The following CEP104 variants were observed in gnomAD, a reference collection of about 807,000 sequenced individuals.
The protein encoded by CEP104 is centrosomal protein 104, also known as centrosomal protein of 104 kDa.
CEP104 carries 84 observed loss-of-function variants against 113.3 expected under a neutral mutation model. That is an observed-to-expected ratio of 0.74 (90% CI 0.62 to 0.89). The LOEUF (loss-of-function observed/expected upper bound fraction) is 0.89, where lower values mean the gene tolerates loss of function less well. Ranked by LOEUF, CEP104 falls within the 40% of genes least tolerant of loss-of-function variation. CEP104 has a pLI of 0.00. For synonymous variants in CEP104, 378 were observed against 421.7 expected (o/e 0.90, Z 1.27); for missense variants, 1,053 against 1,156.6 (o/e 0.91, Z 1.30).
intron 7 of CEP104, 51 bp from the exon 8 acceptor site, chr1:3,839,170 CA>C: frequency 6.6e-7 from 1 of 1,512,128 alleles, no homozygotes; most frequent in South Asian, 1.1e-5. Context: ...CAACTCACAT[CA>C]AATGCAAAGC....
At chr1:3,839,268 G>C in intron 7 of CEP104, 149 bp from the exon 8 acceptor site, 1 of 724,114 alleles carries the variant, frequency 1.4e-6, no homozygotes, top group Non-Finnish European at 2.4e-6. Flanking sequence ...ACTCAGCAAA[G>C]GTCTGGCTGC....
rs930464391 is a variant in CEP104 at position 3,847,629 on chromosome 1, C to T, written c.288-16G>A. 3 of 1,613,842 alleles carry T rather than the reference C, an allele frequency of 1.9e-6. No individual in the cohort carries two copies. Among genetic ancestry groups the T allele is most frequent in the African/African-American group, 2.7e-5 (2 of 74,918 alleles). On this transcript the variant is annotated splice_polypyrimidine_tract_variant and intron_variant, in intron 3 of 21. Coordinates refer to ENST00000378230, the MANE Select transcript of CEP104 (RefSeq NM_014704.4). ...AGACACGTAGCTGAAAAACAAAACACAACTGAAGAATTTGAAAATGTGCTG... is the reference window on the plus strand; with the variant it reads ...AGACACGTAGCTGAAAAACAAAACATAACTGAAGAATTTGAAAATGTGCTG...
chr1:3,847,833 T>G (rs1467815350), intron 3 of CEP104: 1 of 455,306 alleles, frequency 2.2e-6, no homozygotes, highest in African/African-American at 2.1e-5. Flanking sequence ...TATTCTTCTT[T>G]TGTTGTTGTT....
intron 20 of CEP104, among the ~76,000 whole-genome samples, chr1:3,820,502 T>C (rs539842770): frequency 6.6e-6 from 1 of 152,058 alleles, no homozygotes. Context: ...GGCGCCTCTG[T>C]CTGGGGTGGA....
chr1:3,825,561 A>G (rs1225524501), intron 18 of CEP104, among the ~76,000 whole-genome samples, 197 bp downstream of exon 18: 3 of 152,174 alleles, frequency 2.0e-5, no homozygotes, highest in South Asian at 2.1e-4. Context: ...GCGGCACAGC[A>G]TGTTTCCGGT....
chr1:3,829,642 C>A (rs1000297312), intron 14 of CEP104, 149 bp downstream of exon 14: 3 of 838,632 alleles, frequency 3.6e-6, no homozygotes, highest in South Asian at 3.2e-5. Flanking sequence ...GATCTGAATG[C>A]GGGAACCTGT....
Position 3,855,971 on chromosome 1 carries a change from G to C in CEP104, c.-15+918C>G, listed in dbSNP as rs1644717771. ...CCCCAGGCAGCGATGACTCCATGGC[G>C]GTCTCATCCCTCACTACACTTTTCC... is the stretch of plus-strand genomic sequence containing the variant. On this transcript the variant is annotated intron_variant, in intron 1 of 21. Transcript: ENST00000378230. The C allele has an allele frequency of 1.0e-5, 10 of 984,670 alleles. No individual in the cohort carries two copies. In the South Asian group the frequency reaches 2.4e-4, roughly 23 times the overall value. 61.0% of individuals were successfully genotyped at this position (984,670 alleles called of 1,614,324 possible). A position where few individuals can be genotyped will look rare whatever the true frequency, so the allele number is the denominator to read the frequency against.
At position 3,826,599 on chromosome 1, in the gene CEP104, T is replaced by C. The variant is rs1005755508; in HGVS notation, c.2188+109A>G. On this transcript the variant is annotated intron_variant, in intron 16 of 21. Transcript: ENST00000378230. ...AGGTGCAGCAGGCGTGCAGTGATACTTGCTGAATGGACAGAAGCCGTTCCC... is the reference window on the plus strand; with the variant it reads ...AGGTGCAGCAGGCGTGCAGTGATACCTGCTGAATGGACAGAAGCCGTTCCC... 10 of 1,375,280 alleles carry C rather than the reference T, an allele frequency of 7.3e-6. No individual in the cohort carries two copies. The African/African-American group carries it at 1.4e-4, about 20-fold the overall frequency. 85.2% of individuals were successfully genotyped at this position (1,375,280 alleles called of 1,614,324 possible). A position where few individuals can be genotyped will look rare whatever the true frequency, so the allele number is the denominator to read the frequency against.
chr1:3,821,594 C>T (rs974796349), intron 20 of CEP104, among the ~76,000 whole-genome samples: 1 of 152,166 alleles, frequency 6.6e-6, no homozygotes, highest in African/African-American at 2.4e-5. Flanking sequence ...GGCCTTGAGC[C>T]TCAGCAGCTG....
intron 6 of CEP104, 25 bp from the exon 7 acceptor site, chr1:3,839,801 A>G (rs1387108953): frequency 1.9e-6 from 3 of 1,598,030 alleles, no homozygotes; most frequent in Non-Finnish European, 2.6e-6. Context: ...TGCATATTTT[A>G]GAGATAATTT....
Position 3,837,449 on chromosome 1 carries a change from A to G in CEP104, c.962T>C (p.Met321Thr), listed in dbSNP as rs1644336675. 1 of 1,614,098 alleles carries G rather than the reference A, an allele frequency of 6.2e-7. No individual in the cohort carries two copies. Among genetic ancestry groups the G allele is most frequent in the South Asian group, 1.1e-5 (1 of 91,092 alleles). Residue 321 changes from methionine to threonine, a missense_variant, in exon 9 of 22, where the codon ATG becomes ACG. By Grantham distance (81) the Met-to-Thr change is moderately conservative. Transcript: ENST00000378230. ...RSGSPCHQKP[M>T]PSLPQLEERG... ...TTCTTCCAGTTGTGGTAGTGAGGGCATTGGCTTTTGGTGGCAAGGACTGCC... is the reference window on the plus strand; with the variant it reads ...TTCTTCCAGTTGTGGTAGTGAGGGCGTTGGCTTTTGGTGGCAAGGACTGCC...
At chr1:3,830,092 A>C (rs1644173486) in intron 13 of CEP104, 95 bp from the exon 14 acceptor site, 1 of 898,986 alleles carries the variant, frequency 1.1e-6, no homozygotes, top group Non-Finnish European at 1.8e-6. Flanking sequence ...GTGAAAAATA[A>C]AAGAGAAAAC....
chr1:3,838,522 A>G (rs1644356547), intron 8 of CEP104, among the ~76,000 whole-genome samples: 1 of 152,170 alleles, frequency 6.6e-6, no homozygotes, highest in South Asian at 2.1e-4. Flanking sequence ...ACGTGGGCTG[A>G]GTGCCCCATT....
At chr1:3,855,861 T>A in intron 1 of CEP104, 1 of 977,076 alleles carries the variant, frequency 1.0e-6, no homozygotes, top group East Asian at 1.1e-4. Flanking sequence ...AGTTATTGGC[T>A]GGTCTTCCTC....
Position 3,816,352 on chromosome 1 carries a change from T to A in CEP104, c.2590A>T (p.Met864Leu). ...TTCATCGTGCAGCCGGCTGGGCCCA[T>A]CAGGTGAGCTTTCCATGCCTGCAGC... ...PGEEAWKAHL[M>L]GPAGCTMNLR... Residue 864 changes from methionine (M) to leucine (L), a missense_variant, in exon 21 of 22, where the codon ATG becomes TTG. Coordinates refer to ENST00000378230, the MANE Select transcript of CEP104 (RefSeq NM_014704.4). 1 of 1,552,410 alleles carries A rather than the reference T, an allele frequency of 6.4e-7. No individual in the cohort carries two copies. The highest frequency in any genetic ancestry group is 2.4e-5 in the East Asian group (1 of 41,084).
chr1:3,849,028 C>T (rs911798936), intron 2 of CEP104, among the ~76,000 whole-genome samples: 1 of 152,140 alleles, frequency 6.6e-6, no homozygotes, highest in African/African-American at 2.4e-5. Flanking sequence ...GAATCATACT[C>T]TTGGCAGCTA....
intron 2 of CEP104, among the ~76,000 whole-genome samples, chr1:3,851,273 G>C (rs1313585216): frequency 4.0e-5 from 6 of 151,840 alleles, no homozygotes; most frequent in Admixed American, 3.3e-4. Flanking sequence ...GCAGGGACAG[G>C]GGGTCTTATT....
Position 3,829,771 on chromosome 1 carries a change from C to G in CEP104, c.2043+20G>C, listed in dbSNP as rs1268425169. ...TCTTCAACACAGGATGACATCACAACTTCACCAAAGTTAACTCACCCTCAT... is the reference window on the plus strand; with the variant it reads ...TCTTCAACACAGGATGACATCACAAGTTCACCAAAGTTAACTCACCCTCAT... On this transcript the variant is annotated intron_variant, in intron 14 of 21. Coordinates refer to ENST00000378230, the MANE Select transcript of CEP104 (RefSeq NM_014704.4). 3 of 1,609,148 alleles carry G rather than the reference C, an allele frequency of 1.9e-6. No individual in the cohort carries two copies. The South Asian group carries it at 3.3e-5, about 18-fold the overall frequency.
chr1:3,836,455 CCT>C, intron 10 of CEP104, 38 bp downstream of exon 10: 4 of 1,554,548 alleles, frequency 2.6e-6, no homozygotes, highest in Non-Finnish European at 3.5e-6. Context: ...ACTAGCCTCC[CCT>C]CTGCCACCCC....
Sources: gnomAD v4.1 joint callset for allele counts (sites outside exome capture counted in the v4.1 genomes callset) on GRCh38, gnomAD v4.1.1 for gene constraint, MANE v1.5 for transcripts, NCBI Gene and HGNC (gene_info 2026-07-23, HGNC 2026-07-21) for gene names.